The following NAALADL2 variants were observed in gnomAD, a reference collection of about 807,000 sequenced individuals.
NAALADL2 encodes N-acetylated alpha-linked acidic dipeptidase like 2.
In NAALADL2, 76 loss-of-function variants were observed where a neutral mutation model predicts 87.2. The observed-to-expected ratio is 0.87, with a 90% CI of 0.72 to 1.05. The LOEUF is 1.05. Ranked by LOEUF, NAALADL2 falls within the 50% of genes least tolerant of loss-of-function variation. The pLI is 0.00. For synonymous variants in NAALADL2, 354 were observed against 331.0 expected (o/e 1.07, Z -0.75); for missense variants, 1,089 against 945.8 (o/e 1.15, Z -1.99).
At chr3:174,658,186 A>G (rs1194530697) in intron 2 of NAALADL2, among the ~76,000 whole-genome samples, 1 of 152,162 alleles carries the variant, frequency 6.6e-6, no homozygotes, top group Non-Finnish European at 1.5e-5. Flanking sequence ...ATTTGGTAAG[A>G]AACCACCAAA....
intron 5 of NAALADL2, among the ~76,000 whole-genome samples, chr3:175,338,839 A>G (rs982692426): frequency 2.6e-5 from 4 of 152,124 alleles, no homozygotes; most frequent in Non-Finnish European, 2.9e-5. Context: ...GCACCTCTCA[A>G]GTCAAGTGAG....
At chr3:175,381,201 T>C (rs1330305151) in intron 5 of NAALADL2, among the ~76,000 whole-genome samples, 1 of 151,712 alleles carries the variant, frequency 6.6e-6, no homozygotes, top group Admixed American at 6.6e-5. Context: ...AAATGTTTCT[T>C]ATGCATTCTT....
chr3:175,426,570 G>C (rs1272583533), intron 5 of NAALADL2, among the ~76,000 whole-genome samples: 1 of 152,118 alleles, frequency 6.6e-6, no homozygotes, highest in Non-Finnish European at 1.5e-5. Context: ...CAGGTATGTA[G>C]TGTTAACAGT....
intron 3 of NAALADL2, among the ~76,000 whole-genome samples, chr3:174,768,127 C>G (rs949944570): frequency 6.6e-6 from 1 of 152,156 alleles, no homozygotes; most frequent in Non-Finnish European, 1.5e-5. Flanking sequence ...GAAACCCTTT[C>G]TGGCAAGTTA....
At chr3:175,393,963 AT>A (rs912020470) in intron 5 of NAALADL2, among the ~76,000 whole-genome samples, 2 of 152,118 alleles carry the variant, frequency 1.3e-5, no homozygotes, top group East Asian at 1.9e-4. Flanking sequence ...TACACAAGCT[AT>A]TTTTTTCTGT....
intron 1 of NAALADL2, among the ~76,000 whole-genome samples, chr3:174,519,205 T>C (rs1459973772): frequency 2.6e-5 from 4 of 152,104 alleles, no homozygotes; most frequent in African/African-American, 4.8e-5. Flanking sequence ...GGGATAACAT[T>C]GTCAAAGGAA....
rs949360128 is a variant in NAALADL2, at chr3:175,810,370, A to G, written c.*7167A>G. ...TTGAGATACCACATCCATTAAAAATATAAGTGAATATTTTATATTTAAGTT... is the reference window on the plus strand; with the variant it reads ...TTGAGATACCACATCCATTAAAAATGTAAGTGAATATTTTATATTTAAGTT... On this transcript the variant is annotated 3_prime_UTR_variant, in exon 14 of 14. Transcript: ENST00000454872. The G allele has an allele frequency of 5.3e-5, 8 of 152,186 alleles. No homozygotes were observed. Among genetic ancestry groups the G allele is most frequent in the Admixed American group, 2.0e-4 (3 of 15,254 alleles). 9.4% of individuals were successfully genotyped at this position (152,186 alleles called of 1,614,324 possible). A position where few individuals can be genotyped will look rare whatever the true frequency, so the allele number is the denominator to read the frequency against.
At chr3:175,296,459 A>C (rs1756387309) in intron 4 of NAALADL2, among the ~76,000 whole-genome samples, 1 of 152,186 alleles carries the variant, frequency 6.6e-6, no homozygotes, top group African/African-American at 2.4e-5. Context: ...GCATATGTTT[A>C]AACAGGTTCC....
chr3:175,281,255 T>C (rs1430189326), intron 4 of NAALADL2, among the ~76,000 whole-genome samples: 1 of 151,822 alleles, frequency 6.6e-6, no homozygotes, highest in African/African-American at 2.4e-5. Context: ...TTTTAAATAA[T>C]TTTACATGGT....
intron 1 of NAALADL2, among the ~76,000 whole-genome samples, chr3:174,966,075 T>C (rs1373178642): frequency 1.3e-5 from 2 of 152,188 alleles, no homozygotes; most frequent in Non-Finnish European, 2.9e-5. Context: ...ATGACTATCT[T>C]AGACCAGATC....
intron 2 of NAALADL2, among the ~76,000 whole-genome samples, chr3:174,641,328 C>G (rs1415902351): frequency 6.6e-6 from 1 of 152,212 alleles, no homozygotes; most frequent in Non-Finnish European, 1.5e-5. Context: ...CTCCTGGACT[C>G]CTGCTACACA....
chr3:175,072,472 G>A (rs1410290015), intron 1 of NAALADL2, among the ~76,000 whole-genome samples: 1 of 151,604 alleles, frequency 6.6e-6, no homozygotes, highest in Non-Finnish European at 1.5e-5. Flanking sequence ...AAAATGAAAA[G>A]AGTCATCTTT....
rs192224597 is a variant in NAALADL2, at chr3:175,805,374, A to G, written c.*2171A>G. On this transcript the variant is annotated 3_prime_UTR_variant, in exon 14 of 14. Coordinates refer to ENST00000454872, the MANE Select transcript of NAALADL2 (RefSeq NM_207015.3). ...CTTCTGTATTCCTCACCTCTAAATT[A>G]TATGTTATTTGCTATTTGAAAACTG... 3.9e-5 allele frequency: 6 copies of G among 151,900 alleles called. No homozygotes were observed. Among genetic ancestry groups the G allele is most frequent in the African/African-American group, 7.2e-5 (3 of 41,486 alleles). The allele number at this position is 151,900 out of a possible 1,614,324, so 9.4% of individuals were successfully genotyped here. A position where few individuals can be genotyped will look rare whatever the true frequency, so the allele number is the denominator to read the frequency against.
chr3:175,140,661 A>G (rs1370556228), intron 2 of NAALADL2, among the ~76,000 whole-genome samples: 1 of 152,138 alleles, frequency 6.6e-6, no homozygotes, highest in East Asian at 1.9e-4. Flanking sequence ...GTTTGGCTGG[A>G]GCATGAGTTT....
chr3:175,631,120 T>C (rs1158434915), intron 11 of NAALADL2, among the ~76,000 whole-genome samples: 1 of 151,704 alleles, frequency 6.6e-6, no homozygotes, highest in African/African-American at 2.4e-5. Flanking sequence ...AATGAGTAAC[T>C]CTTTTTCTTC....
intron 4 of NAALADL2, among the ~76,000 whole-genome samples, chr3:175,276,830 C>T (rs1038809116): frequency 6.6e-6 from 1 of 151,982 alleles, no homozygotes; most frequent in African/African-American, 2.4e-5. Context: ...CTTAATAGTG[C>T]AATCAAACTA....
chr3:174,932,211 A>G (rs1737001418), intron 1 of NAALADL2, among the ~76,000 whole-genome samples: 1 of 152,174 alleles, frequency 6.6e-6, no homozygotes, highest in Non-Finnish European at 1.5e-5. Context: ...GAGTTGCTGC[A>G]TTACCAGCTA....
chr3:174,894,594 C>G, intron 1 of NAALADL2, among the ~76,000 whole-genome samples: 1 of 48,476 alleles, frequency 2.1e-5, no homozygotes, highest in East Asian at 5.2e-4. Context: ...AACTCCGTCT[C>G]AAAAAAAAAA....
chr3:174,828,823 T>C (rs913412343), intron 3 of NAALADL2, among the ~76,000 whole-genome samples: 1 of 152,182 alleles, frequency 6.6e-6, no homozygotes, highest in Non-Finnish European at 1.5e-5. Context: ...GCTACATGTA[T>C]AATATGGGTC....
Sources: allele counts gnomAD v4.1 joint callset (sites outside exome capture counted in the v4.1 genomes callset), GRCh38; gene constraint gnomAD v4.1.1; transcripts MANE v1.5; gene names NCBI Gene and HGNC (gene_info 2026-07-23, HGNC 2026-07-21).